CDKN2B-AS1: variants seen among roughly 807,000 people sequenced by gnomAD.
CDKN2B-AS1 encodes the protein CDKN2B antisense RNA 1 (non-protein coding).
chr9:22,004,021 T>G (rs1455782741), intron 1 of CDKN2B-AS1: 1 of 232,744 alleles, frequency 4.3e-6, no homozygotes, highest in African/African-American at 2.2e-5. Flanking sequence ...ATGAATATCT[T>G]GTAACCTTTG....
intron 1 of CDKN2B-AS1, among the ~76,000 whole-genome samples, chr9:22,022,388 A>G (rs1353700393): frequency 6.8e-6 from 1 of 148,086 alleles, no homozygotes; most frequent in Non-Finnish European, 1.5e-5. Flanking sequence ...GTTGAATTGA[A>G]CCCTTTACCA....
intron 4 of CDKN2B-AS1, chr9:22,121,056 C>T (rs1450044094): frequency 6.6e-6 from 1 of 152,054 alleles, no homozygotes; most frequent in African/African-American, 2.4e-5. Flanking sequence ...ATGCTATATA[C>T]ATACAAATTT....
intron 4 of CDKN2B-AS1, among the ~76,000 whole-genome samples, chr9:22,083,410 G>A (rs767677973): frequency 4.6e-5 from 7 of 152,184 alleles, no homozygotes; most frequent in African/African-American, 9.6e-5. Context: ...GAATGCTACC[G>A]CTGGGACAGA....
chr9:22,047,659 C>A (rs999835929), intron 2 of CDKN2B-AS1, among the ~76,000 whole-genome samples: 1 of 152,160 alleles, frequency 6.6e-6, no homozygotes, highest in East Asian at 1.9e-4. Flanking sequence ...ATATACATAA[C>A]AAAACTTAGC....
At position 21,995,999 on chromosome 9, in the gene CDKN2B-AS1, C is replaced by T. The variant is rs1482638830; in HGVS notation, n.29+838C>T. On this transcript the variant is annotated intron_variant and non_coding_transcript_variant, in intron 1 of 4. Transcript: ENST00000650946. This position sits in a 1 kb window ranked among gnomAD's most constrained non-coding sequence, Gnocchi z 5.7. ...ATGTGGCCCGCTTCTCAGTGGCTTC[C>T]TGTTCATGCGCTTGGGCCTAGTGGC... 1 of 152,622 alleles carries T rather than the reference C, an allele frequency of 6.6e-6. No homozygotes were observed. The highest frequency in any genetic ancestry group is 1.5e-5 in the Non-Finnish European group (1 of 68,338). 9.5% of individuals were successfully genotyped at this position (152,622 alleles called of 1,614,324 possible).
chr9:22,032,154 G>C lies in CDKN2B-AS1; in HGVS notation n.30-14597G>C, dbSNP rs1016741962. Among the ~76,000 whole-genome samples the C allele has an allele frequency of 2.0e-5, 3 of 152,000 alleles. No homozygotes were observed. In the East Asian group the frequency reaches 5.8e-4, roughly 29 times the overall value. Reference sequence around the variant, plus strand: ...TGTTTTAAGCTATGAGGTTTTTTTTGGGGGGAGAATGGTCATTTGTGATTC... The same window carrying C: ...TGTTTTAAGCTATGAGGTTTTTTTTCGGGGGAGAATGGTCATTTGTGATTC... On this transcript the variant is annotated intron_variant and non_coding_transcript_variant, in intron 1 of 4. Coordinates refer to ENST00000650946, the Ensembl canonical transcript of CDKN2B-AS1.
At position 22,005,564 on chromosome 9, in the gene CDKN2B-AS1, C is replaced by T. The variant is rs1041114151; in HGVS notation, n.29+10403C>T. On this transcript the variant is annotated intron_variant and non_coding_transcript_variant, in intron 1 of 4. Coordinates refer to ENST00000650946, the Ensembl canonical transcript of CDKN2B-AS1. The surrounding 1 kb of genome is among the most constrained non-coding windows in gnomAD (Gnocchi z 4.9). ...ACTCCTCAGCAGACATTGGAGTGAA[C>T]GCATCGACTGCCGTCACCCAAGTGC... The T allele has an allele frequency of 5.1e-6, 2 of 393,040 alleles. No individual in the cohort carries two copies. Among genetic ancestry groups the T allele is most frequent in the Non-Finnish European group, 9.5e-6 (2 of 211,508 alleles). 24.3% of individuals were successfully genotyped at this position (393,040 alleles called of 1,614,324 possible). A position where few individuals can be genotyped will look rare whatever the true frequency, so the allele number is the denominator to read the frequency against.
At chr9:22,024,212 C>T (rs117099389) in intron 1 of CDKN2B-AS1, among the ~76,000 whole-genome samples, 394 of 152,326 alleles carry the variant, frequency 2.6e-3, no homozygotes, top group Non-Finnish European at 4.5e-3. Context: ...AGGGGGCCAT[C>T]GTTCACCTCC....
At chr9:22,086,366 A>G (rs1563972336) in intron 4 of CDKN2B-AS1, among the ~76,000 whole-genome samples, 1 of 152,210 alleles carries the variant, frequency 6.6e-6, no homozygotes, top group East Asian at 1.9e-4. Flanking sequence ...AAACACAAGT[A>G]ACTTGAGAAA....
At chr9:22,057,255 C>T (rs1243941693) in intron 4 of CDKN2B-AS1, among the ~76,000 whole-genome samples, 2 of 152,084 alleles carry the variant, frequency 1.3e-5, no homozygotes, top group Admixed American at 6.5e-5. Context: ...GTTATAATTT[C>T]GTTCCATCTT....
chr9:22,088,652 C>T (rs1276940545), intron 4 of CDKN2B-AS1, among the ~76,000 whole-genome samples: 1 of 152,144 alleles, frequency 6.6e-6, no homozygotes, highest in African/African-American at 2.4e-5. Context: ...TTTAAATACA[C>T]CAAAGTGGAG....
intron 1 of CDKN2B-AS1, among the ~76,000 whole-genome samples, chr9:22,045,070 G>T (rs1214736071): frequency 6.6e-6 from 1 of 150,500 alleles, no homozygotes; most frequent in Admixed American, 6.7e-5. Context: ...GTGTGTGTGT[G>T]TATTTATTTT....
intron 1 of CDKN2B-AS1, among the ~76,000 whole-genome samples, chr9:22,011,401 G>T (rs1046899489): frequency 2.6e-5 from 4 of 152,142 alleles, no homozygotes. Context: ...TACAGCTGTT[G>T]TTTCATTTAA....
intron 1 of CDKN2B-AS1, among the ~76,000 whole-genome samples, chr9:22,028,517 G>A (rs1192262763): frequency 1.3e-5 from 2 of 152,222 alleles, no homozygotes; most frequent in East Asian, 3.9e-4. Flanking sequence ...GTATCATCAT[G>A]ATGGCAGTTT....
At chr9:22,042,120 G>C (rs1050065989) in intron 1 of CDKN2B-AS1, among the ~76,000 whole-genome samples, 2 of 152,020 alleles carry the variant, frequency 1.3e-5, no homozygotes, top group Non-Finnish European at 2.9e-5. Context: ...TCACTGCTGG[G>C]CCTGGTAGGC....
intron 1 of CDKN2B-AS1, among the ~76,000 whole-genome samples, chr9:22,021,336 A>G (rs980095905): frequency 1.3e-5 from 2 of 151,988 alleles, no homozygotes; most frequent in Non-Finnish European, 2.9e-5. Flanking sequence ...GCCCTGTAGT[A>G]TAGTTTGAAG....
chr9:22,043,549 G>T (rs1392717492), intron 1 of CDKN2B-AS1, among the ~76,000 whole-genome samples: 1 of 151,938 alleles, frequency 6.6e-6, no homozygotes, highest in African/African-American at 2.4e-5. Context: ...GCAGGTGAAA[G>T]ATTTGCTTCT....
intron 1 of CDKN2B-AS1, among the ~76,000 whole-genome samples, chr9:22,034,685 CTT>C (rs1822612415): frequency 6.6e-6 from 1 of 152,094 alleles, no homozygotes. Context: ...GGTTGGCAAA[CTT>C]TTTCTATAGA....
rs796382099 is a variant in CDKN2B-AS1 at position 22,006,743 on chromosome 9, G to GT, written n.29+11589dup. 8.4e-4 allele frequency among the ~76,000 whole-genome samples: 128 copies of GT among 151,824 alleles called. No homozygotes were observed. The highest frequency in any genetic ancestry group is 2.8e-3 in the African/African-American group (114 of 41,436). ...TTTAGGGGAGAAAATAAACAACTAAGTTTTTTTCTTTCTTTTTTTTTTAAT... is the reference window on the plus strand; with the variant it reads ...TTTAGGGGAGAAAATAAACAACTAAGTTTTTTTTCTTTCTTTTTTTTTTAAT... On this transcript the variant is annotated intron_variant and non_coding_transcript_variant, in intron 1 of 4. Transcript: ENST00000650946. The surrounding 1 kb of genome is among the most constrained non-coding windows in gnomAD (Gnocchi z 6.4).
Sources: allele counts gnomAD v4.1 joint callset (sites outside exome capture counted in the v4.1 genomes callset), GRCh38; gene constraint gnomAD v4.1.1; non-coding constraint Gnocchi (gnomAD v3.1); transcripts MANE v1.5; gene names NCBI Gene and HGNC (gene_info 2026-07-23, HGNC 2026-07-21).